The following NTN4 variants were observed in gnomAD, a reference collection of about 807,000 sequenced individuals.
The protein encoded by NTN4 is netrin-4.
NTN4 carries 32 observed loss-of-function variants against 73.6 expected under a neutral mutation model. That is an observed-to-expected ratio of 0.44 (90% CI 0.33 to 0.58). NTN4 has a LOEUF of 0.58. Among genes scored for constraint, NTN4 ranks in the 20% least tolerant of loss-of-function variants. The pLI, the probability that NTN4 is intolerant of heterozygous loss-of-function variation, is 0.04. For missense variants in NTN4, 654 were observed against 798.3 expected (o/e 0.82, Z 2.18); for synonymous variants, 258 against 287.5 (o/e 0.90, Z 1.04).
intron 2 of NTN4, among the ~76,000 whole-genome samples, chr12:95,748,365 C>T (rs1181315302): frequency 1.3e-5 from 2 of 151,360 alleles, no homozygotes; most frequent in African/African-American, 4.9e-5. Context: ...AATAAATTTA[C>T]ACCAACTGCA....
chr12:95,680,985 C>T (rs545496261), intron 7 of NTN4, among the ~76,000 whole-genome samples: 6 of 152,076 alleles, frequency 3.9e-5, no homozygotes, highest in South Asian at 2.1e-4. Context: ...GTCAGGCATT[C>T]GAGACCAGCC....
At chr12:95,670,426 CT>C (rs1273918733) in intron 7 of NTN4, 2 of 250,404 alleles carry the variant, frequency 8.0e-6, no homozygotes, top group African/African-American at 2.2e-5. Context: ...TAAATACAGT[CT>C]AGTATTAATA....
At chr12:95,756,025 C>T (rs1013761026) in intron 2 of NTN4, among the ~76,000 whole-genome samples, 8 of 152,114 alleles carry the variant, frequency 5.3e-5, no homozygotes, top group Non-Finnish European at 5.9e-5. Flanking sequence ...TCCAATTAGA[C>T]GAAACTGAGG....
intron 3 of NTN4, among the ~76,000 whole-genome samples, chr12:95,736,735 G>C (rs978408336): frequency 6.6e-6 from 1 of 152,156 alleles, no homozygotes; most frequent in African/African-American, 2.4e-5. Flanking sequence ...TGGGAGCCTG[G>C]ATTAACTTCT....
At chr12:95,709,157 C>T (rs576000286) in intron 5 of NTN4, among the ~76,000 whole-genome samples, 1 of 152,254 alleles carries the variant, frequency 6.6e-6, no homozygotes, top group African/African-American at 2.4e-5. Flanking sequence ...TATAGTTTTT[C>T]CTTTAAAAAA....
chr12:95,768,767 A>C (rs1455872719), intron 2 of NTN4, among the ~76,000 whole-genome samples: 1 of 152,206 alleles, frequency 6.6e-6, no homozygotes, highest in Non-Finnish European at 1.5e-5. Context: ...ACAATTACGC[A>C]GAAGAAAAAT....
In NTN4 at chr12:95,735,446, C is replaced by A. The variant is rs142011181; in HGVS notation, c.864+2420G>T. On this transcript the variant is annotated intron_variant, in intron 3 of 9. Coordinates refer to ENST00000343702, the MANE Select transcript of NTN4 (RefSeq NM_021229.4). Reference sequence around the variant, plus strand: ...CTACCACTGCTGCACAAATTGAAATCAGTATGAAAATGGAATAGAAAGATG... The same window carrying A: ...CTACCACTGCTGCACAAATTGAAATAAGTATGAAAATGGAATAGAAAGATG... Among the ~76,000 whole-genome samples the A allele has an allele frequency of 5.4e-3, 819 of 152,152 alleles. 33 individuals are homozygous for A. Among genetic ancestry groups the A allele is most frequent in the Admixed American group, 0.05 (760 of 15,290 alleles).
At chr12:95,672,236 G>A (rs1166961464) in intron 7 of NTN4, 33 of 616,944 alleles carry the variant, frequency 5.3e-5, no homozygotes, top group Non-Finnish European at 9.6e-5. Context: ...GAGGGGAGGC[G>A]GGGGCAGGGG....
At chr12:95,664,078 G>A (rs2078159737) in intron 9 of NTN4, among the ~76,000 whole-genome samples, 1 of 151,956 alleles carries the variant, frequency 6.6e-6, no homozygotes, top group African/African-American at 2.4e-5. Context: ...TTTGAGATAG[G>A]GTCTTGCTCT....
chr12:95,734,146 C>T (rs996750398), intron 3 of NTN4, among the ~76,000 whole-genome samples: 6 of 150,906 alleles, frequency 4.0e-5, no homozygotes, highest in Non-Finnish European at 7.4e-5. Flanking sequence ...CTATTCTTTT[C>T]GATAGTTTAA....
At chr12:95,754,653 C>T (rs141510817) in intron 2 of NTN4, among the ~76,000 whole-genome samples, 4,256 of 152,262 alleles carry the variant, frequency 0.028, 205 homozygotes, top group African/African-American at 0.096. Context: ...ATTTCCTTCT[C>T]CTGGCTCAGA....
At chr12:95,668,286 T>G (rs2078198834) in intron 8 of NTN4, among the ~76,000 whole-genome samples, 1 of 152,168 alleles carries the variant, frequency 6.6e-6, no homozygotes, top group Non-Finnish European at 1.5e-5. Context: ...AGAAAATTAA[T>G]GCAGTTGTAT....
At chr12:95,679,647 C>T (rs1297843762) in intron 7 of NTN4, among the ~76,000 whole-genome samples, 1 of 152,178 alleles carries the variant, frequency 6.6e-6, no homozygotes, top group Non-Finnish European at 1.5e-5. Context: ...GGAAAAACCT[C>T]AACCCAGCTT....
intron 1 of NTN4, among the ~76,000 whole-genome samples, chr12:95,788,497 C>A (rs1247702670): frequency 1.3e-5 from 2 of 151,836 alleles, no homozygotes; most frequent in Admixed American, 6.5e-5. Context: ...AAGCAAAAAT[C>A]ATCTATTTTA....
intron 7 of NTN4, chr12:95,672,762 T>C: frequency 7.4e-7 from 1 of 1,346,794 alleles, no homozygotes; most frequent in Non-Finnish European, 1.1e-6. Flanking sequence ...TATCCTCCTG[T>C]GAGAGTCTGA....
Position 95,677,006 on chromosome 12 carries a change from G to A in NTN4, c.1510+5701C>T, listed in dbSNP as rs138082815. 6.0e-3 allele frequency among the ~76,000 whole-genome samples: 913 copies of A among 152,248 alleles called. 7 individuals are homozygous for A. The highest frequency in any genetic ancestry group is 0.011 in the Admixed American group (175 of 15,304). ...AATCCCAGCACTTCGGGAGGCTGAG[G>A]TGGGTGGATCTTAAGGTCAGGAGAT... On this transcript the variant is annotated intron_variant, in intron 7 of 9. Transcript: ENST00000343702.
chr12:95,714,951 C>T (rs2078594767), intron 3 of NTN4, among the ~76,000 whole-genome samples: 1 of 152,174 alleles, frequency 6.6e-6, no homozygotes, highest in Admixed American at 6.5e-5. Context: ...AAAACAGCCA[C>T]ACCGATACAC....
chr12:95,664,698 T>C (rs1481791784), intron 9 of NTN4, among the ~76,000 whole-genome samples: 5 of 152,046 alleles, frequency 3.3e-5, no homozygotes, highest in Non-Finnish European at 4.4e-5. Context: ...CTGCAACCTC[T>C]GCCTCCTGGG....
chr12:95,680,265 A>T (rs2078305450), intron 7 of NTN4, among the ~76,000 whole-genome samples: 1 of 152,252 alleles, frequency 6.6e-6, no homozygotes, highest in Admixed American at 6.5e-5. Context: ...TATCTGTTGG[A>T]TGAATGAATA....
Sources: allele counts gnomAD v4.1 joint callset (sites outside exome capture counted in the v4.1 genomes callset), GRCh38; gene constraint gnomAD v4.1.1; transcripts MANE v1.5; gene names NCBI Gene and HGNC (gene_info 2026-07-23, HGNC 2026-07-21).